The following GRIP1 variants were observed in gnomAD, a reference collection of about 807,000 sequenced individuals.
The protein encoded by GRIP1 is glutamate receptor-interacting protein 1.
Under a neutral mutation model 129.9 loss-of-function variants are expected in GRIP1, and 45 were observed. The ratio of observed to expected loss-of-function variants is 0.35; its 90% CI spans 0.27 to 0.44. GRIP1 has a LOEUF of 0.44. Ranked by LOEUF, GRIP1 falls within the 20% of genes least tolerant of loss-of-function variation. The pLI is 1.00. For synonymous variants in GRIP1, 530 were observed against 520.8 expected (o/e 1.02, Z -0.24); for missense variants, 1,196 against 1,396.8 (o/e 0.86, Z 2.29).
At chr12:67,049,910 T>TAAAA (rs140624900) in intron 1 of GRIP1, among the ~76,000 whole-genome samples, 5 of 150,134 alleles carry the variant, frequency 3.3e-5, no homozygotes, top group African/African-American at 7.4e-5. Flanking sequence ...AAATAATTGG[T>TAAAA]AAAAAAAAGT....
chr12:66,639,231 C>G (rs1481089532), intron 1 of GRIP1, among the ~76,000 whole-genome samples: 1 of 152,168 alleles, frequency 6.6e-6, no homozygotes, highest in Non-Finnish European at 1.5e-5. Flanking sequence ...TATGCTACTA[C>G]TAGCGAACTG....
intron 1 of GRIP1, among the ~76,000 whole-genome samples, chr12:66,995,657 C>G (rs1338198016): frequency 6.6e-6 from 1 of 152,048 alleles, no homozygotes; most frequent in Non-Finnish European, 1.5e-5. Context: ...TTCACATCTA[C>G]TAGGATGGTG....
Position 67,051,102 on chromosome 12 carries a change from G to A in GRIP1, c.58+17948C>T, listed in dbSNP as rs568457587. 1.4e-3 allele frequency among the ~76,000 whole-genome samples: 209 copies of A among 152,258 alleles called. 1 individual carries two copies. The South Asian group carries it at 0.019, about 13-fold the overall frequency. ...GTTGGCAAGACTTAGGGTATATGGT[G>A]TTGTGGGCAAGAAGTAAATGTCAGC... On this transcript the variant is annotated intron_variant, in intron 1 of 1. Coordinates refer to the GRIP1 transcript ENST00000643019.
intron 1 of GRIP1, among the ~76,000 whole-genome samples, chr12:66,724,561 C>T (rs1483837980): frequency 6.6e-6 from 1 of 152,178 alleles, no homozygotes; most frequent in African/African-American, 2.4e-5. Context: ...GGGGGCTTTG[C>T]TTATGTGATG....
At chr12:66,977,183 A>G (rs2042164988) in intron 1 of GRIP1, among the ~76,000 whole-genome samples, 1 of 151,118 alleles carries the variant, frequency 6.6e-6, no homozygotes, top group Non-Finnish European at 1.5e-5. Context: ...ATCTGCCATG[A>G]TTAAGATTAG....
chr12:66,570,154 C>T (rs954822382), intron 2 of GRIP1, among the ~76,000 whole-genome samples: 143 of 151,414 alleles, frequency 9.4e-4, no homozygotes, highest in African/African-American at 3.3e-3. Context: ...GGTCTTACTC[C>T]GTCACCCAGG....
chr12:66,655,119 A>G (rs1443924092), intron 1 of GRIP1, among the ~76,000 whole-genome samples: 1 of 152,224 alleles, frequency 6.6e-6, no homozygotes, highest in Non-Finnish European at 1.5e-5. Flanking sequence ...TGATCCAGAT[A>G]CTACTCTGGA....
intron 1 of GRIP1, among the ~76,000 whole-genome samples, chr12:67,057,438 A>T (rs1298612765): frequency 5.4e-5 from 4 of 73,750 alleles, no homozygotes; most frequent in Non-Finnish European, 1.7e-4. Flanking sequence ...CAAGAACGTA[A>T]AAAAAAAAAA....
chr12:67,029,385 A>G (rs2042987025), intron 1 of GRIP1, among the ~76,000 whole-genome samples: 1 of 152,144 alleles, frequency 6.6e-6, no homozygotes, highest in Non-Finnish European at 1.5e-5. Context: ...AAGTGCCAGG[A>G]TTACAGGCGT....
At chr12:66,671,334 T>C (rs913500371) in intron 1 of GRIP1, among the ~76,000 whole-genome samples, 1 of 152,206 alleles carries the variant, frequency 6.6e-6, no homozygotes, top group Non-Finnish European at 1.5e-5. Flanking sequence ...GGCTGCCATC[T>C]GTCTCGTGGT....
chr12:66,580,722 T>C (rs1274622361), intron 2 of GRIP1, among the ~76,000 whole-genome samples: 1 of 151,018 alleles, frequency 6.6e-6, no homozygotes, highest in Non-Finnish European at 1.5e-5. Flanking sequence ...CCTAAATATA[T>C]ATGCACCCAA....
chr12:66,591,870 C>A (rs543697241), intron 2 of GRIP1, among the ~76,000 whole-genome samples: 2 of 152,032 alleles, frequency 1.3e-5, no homozygotes, highest in Non-Finnish European at 2.9e-5. Context: ...AGAGATCTGC[C>A]CGCCTTGGCC....
intron 1 of GRIP1, among the ~76,000 whole-genome samples, chr12:66,948,003 C>G (rs2041698643): frequency 6.6e-6 from 1 of 152,130 alleles, no homozygotes; most frequent in East Asian, 1.9e-4. Flanking sequence ...CGCTGCTTAT[C>G]AGACTCCTTT....
At chr12:66,761,491 C>A (rs77534095) in intron 1 of GRIP1, among the ~76,000 whole-genome samples, 269 of 152,250 alleles carry the variant, frequency 1.8e-3, no homozygotes, top group Middle Eastern at 3.4e-3. Flanking sequence ...TGTTCCAGAT[C>A]CCACAAAGTC....
intron 1 of GRIP1, among the ~76,000 whole-genome samples, chr12:66,795,337 T>C (rs1485706948): frequency 6.6e-6 from 1 of 152,160 alleles, no homozygotes; most frequent in African/African-American, 2.4e-5. Flanking sequence ...CAAATGTTAT[T>C]TTCTGCACCT....
chr12:66,821,736 T>C (rs1161496460), intron 1 of GRIP1, among the ~76,000 whole-genome samples: 3 of 152,156 alleles, frequency 2.0e-5, no homozygotes, highest in African/African-American at 7.2e-5. Flanking sequence ...TCTTAAGTAG[T>C]CTTGTAGAAG....
intron 1 of GRIP1, chr12:67,068,984 G>C: frequency 1.3e-6 from 1 of 759,872 alleles, no homozygotes; most frequent in Non-Finnish European, 1.6e-6. Flanking sequence ...GCCGGGGAGA[G>C]GGAGGCACCG....
At chr12:66,450,932 T>C (rs892857169) in intron 11 of GRIP1, among the ~76,000 whole-genome samples, 1 of 152,210 alleles carries the variant, frequency 6.6e-6, no homozygotes, top group Non-Finnish European at 1.5e-5. Context: ...AGGTGAATAT[T>C]CCCCCGTCAT....
chr12:66,385,490 C>T (rs1193545189), intron 19 of GRIP1, among the ~76,000 whole-genome samples: 1 of 151,844 alleles, frequency 6.6e-6, no homozygotes, highest in East Asian at 1.9e-4. Context: ...GAGCCAAGAT[C>T]GCAACATTGT....
Sources: gnomAD v4.1 joint callset for allele counts (sites outside exome capture counted in the v4.1 genomes callset) on GRCh38, gnomAD v4.1.1 for gene constraint, MANE v1.5 for transcripts, NCBI Gene and HGNC (gene_info 2026-07-23, HGNC 2026-07-21) for gene names.